The following FARP1 variants were observed in gnomAD, a reference collection of about 807,000 sequenced individuals.
FARP1 encodes the protein FERM, ARH/RhoGEF and pleckstrin domain protein 1.
FARP1 carries 52 observed loss-of-function variants against 128.8 expected under a neutral mutation model. That is an observed-to-expected ratio of 0.40 (90% CI 0.32 to 0.51). The LOEUF is 0.51. FARP1 is among the 20% of genes least tolerant of loss of function. FARP1 has a pLI of 0.45. For missense variants in FARP1, 1,333 were observed against 1,367.9 expected, an observed-to-expected ratio of 0.97 and a Z score of 0.40; for synonymous variants, 580 against 551.8, an observed-to-expected ratio of 1.05 and a Z score of -0.72.
chr13:98,331,585 T>C (rs1429495826), intron 2 of FARP1, among the ~76,000 whole-genome samples: 1 of 152,212 alleles, frequency 6.6e-6, no homozygotes, highest in African/African-American at 2.4e-5. Flanking sequence ...ACACAACATA[T>C]TTCAACTAAA....
rs537398786 is a variant in FARP1 at position 98,428,641 on chromosome 13, T to TCTCCA, written c.1906-2401_1906-2397dup. On this transcript the variant is annotated intron_variant, in intron 17 of 26. Coordinates refer to ENST00000319562, the MANE Select transcript of FARP1 (RefSeq NM_005766.4). ...GCCTCTGCTCTAGTCCTAGGCTGTC[T>TCTCCA]CTCCAGACCCTGCTCCCAACCCTTC... is the stretch of plus-strand genomic sequence containing the variant. 8.1e-4 allele frequency among the ~76,000 whole-genome samples: 123 copies of TCTCCA among 152,204 alleles called. 2 individuals carry two copies. Among genetic ancestry groups the TCTCCA allele is most frequent in the Non-Finnish European group, 1.6e-3 (106 of 68,032 alleles).
intron 1 of FARP1, among the ~76,000 whole-genome samples, chr13:98,209,306 C>T (rs1470340026): frequency 1.3e-5 from 2 of 151,396 alleles, no homozygotes; most frequent in Admixed American, 6.6e-5. Flanking sequence ...CCGCGCCCAG[C>T]CAACTTTCCT....
chr13:98,446,908 GC>G, intron 26 of FARP1, 91 bp downstream of exon 26: 1 of 1,376,610 alleles, frequency 7.3e-7, no homozygotes, highest in Non-Finnish European at 1.0e-6. Context: ...GAGTGAGATG[GC>G]CCCACCCTTC....
chr13:98,439,991 C>T lies in FARP1; in HGVS notation c.2464C>T (p.Pro822Ser), dbSNP rs545344298. Reference protein sequence around the residue: ...IEESEDEWGVPHCLTLRGQRQ... With the variant: ...IEESEDEWGVSHCLTLRGQRQ... Reference sequence around the variant, plus strand: ...GGAGAGCGAAGACGAGTGGGGGGTGCCCCACTGCCTGACCCTCCGGGGCCA... The same window carrying T: ...GGAGAGCGAAGACGAGTGGGGGGTGTCCCACTGCCTGACCCTCCGGGGCCA... Residue 822 changes from proline (P) to serine (S), a missense_variant, in exon 22 of 27, where the codon CCC (proline) becomes TCC (serine). This residue lies in a region of FARP1 where 1,009 missense variants were observed against 969.8 expected (regional missense o/e 1.04). Transcript: ENST00000319562. 3 of 1,593,312 alleles carry T rather than the reference C, an allele frequency of 1.9e-6. No homozygotes were observed. The highest frequency in any genetic ancestry group is 2.2e-5 in the East Asian group (1 of 44,468).
chr13:98,213,513 T>C (rs1401214487), intron 2 of FARP1, 100 bp downstream of exon 2: 2 of 1,265,464 alleles, frequency 1.6e-6, no homozygotes, highest in Non-Finnish European at 2.2e-6. Flanking sequence ...ATGAGGCGGC[T>C]GGAGGTCCTG....
intron 3 of FARP1, among the ~76,000 whole-genome samples, chr13:98,363,648 G>A (rs573410666): frequency 6.6e-6 from 1 of 152,278 alleles, no homozygotes; most frequent in Admixed American, 6.5e-5. Context: ...TTATTCCAAC[G>A]GGCCAGTCCT....
chr13:98,394,924 C>T (rs540290862), intron 12 of FARP1, among the ~76,000 whole-genome samples: 100 of 152,252 alleles, frequency 6.6e-4, no homozygotes, highest in African/African-American at 2.4e-3. Context: ...GATCCTGTCT[C>T]CCCCTCCAAA....
chr13:98,386,090 C>T (rs1300008583), intron 8 of FARP1: 4 of 358,898 alleles, frequency 1.1e-5, no homozygotes, highest in Middle Eastern at 7.7e-4. Context: ...TCTCCATGGA[C>T]CTACACTTAG....
intron 2 of FARP1, among the ~76,000 whole-genome samples, chr13:98,246,285 C>A (rs565687615): frequency 1.2e-3 from 167 of 145,174 alleles, no homozygotes; most frequent in African/African-American, 4.1e-3. Flanking sequence ...TTAGTAGAGA[C>A]GGGGTTTCAC....
At chr13:98,358,034 T>A (rs1888708885) in intron 3 of FARP1, among the ~76,000 whole-genome samples, 1 of 152,044 alleles carries the variant, frequency 6.6e-6, no homozygotes, top group South Asian at 2.1e-4. Context: ...TTCCTGGCCC[T>A]GTGAGCACTA....
At chr13:98,159,319 T>G (rs1876707585) in intron 1 of FARP1, among the ~76,000 whole-genome samples, 1 of 152,228 alleles carries the variant, frequency 6.6e-6, no homozygotes. Context: ...GTCACACAGC[T>G]AATAAGTGAA....
intron 2 of FARP1, among the ~76,000 whole-genome samples, chr13:98,297,195 AC>A (rs1885734387): frequency 6.6e-6 from 1 of 152,186 alleles, no homozygotes; most frequent in South Asian, 2.1e-4. Flanking sequence ...AGTGCTGTCA[AC>A]TGCAAAGTGA....
At position 98,265,617 on chromosome 13, in the gene FARP1, C is replaced by A. The variant is rs544320364; in HGVS notation, c.171+52204C>A. Reference sequence around the variant, plus strand: ...TACAGGCGTGAGCCACCGCGCCCAGCCCTTCCTGAATTTATATACGACATG... The same window carrying A: ...TACAGGCGTGAGCCACCGCGCCCAGACCTTCCTGAATTTATATACGACATG... On this transcript the variant is annotated intron_variant, in intron 2 of 26. Coordinates refer to ENST00000319562, the MANE Select transcript of FARP1 (RefSeq NM_005766.4). Among the ~76,000 whole-genome samples the A allele has an allele frequency of 5.0e-3, 763 of 152,278 alleles. 10 individuals are homozygous for A. The highest frequency in any genetic ancestry group is 0.011 in the African/African-American group (454 of 41,556).
intron 2 of FARP1, chr13:98,244,397 C>A: frequency 8.7e-7 from 1 of 1,146,788 alleles, no homozygotes; most frequent in Non-Finnish European, 1.2e-6. Context: ...ACTTCCAAAA[C>A]TTTGCTGTGT....
intron 1 of FARP1, among the ~76,000 whole-genome samples, chr13:98,200,397 CCT>C (rs1491466474): frequency 8.4e-5 from 12 of 143,512 alleles, no homozygotes; most frequent in East Asian, 6.2e-4. Context: ...ACCCCCCCCC[CCT>C]CCCCTTTGTG....
intron 8 of FARP1, 58 bp downstream of exon 8, chr13:98,385,872 C>T: frequency 6.4e-7 from 1 of 1,568,070 alleles, no homozygotes. Flanking sequence ...AAGAGCTGGC[C>T]CTTCAACTCT....
At chr13:98,288,968 C>CT (rs5806054) in intron 2 of FARP1, among the ~76,000 whole-genome samples, 7,261 of 134,780 alleles carry the variant, frequency 0.054, 221 homozygotes, top group Middle Eastern at 0.13. Context: ...GTTCCTATGG[C>CT]TTTTTTTTTT....
chr13:98,205,754 A>G (rs906299947), intron 1 of FARP1, among the ~76,000 whole-genome samples: 1 of 151,718 alleles, frequency 6.6e-6, no homozygotes, highest in African/African-American at 2.4e-5. Flanking sequence ...GGTCCTTCAT[A>G]TTTTCACCAG....
chr13:98,270,743 T>C (rs962843586), intron 2 of FARP1, among the ~76,000 whole-genome samples: 3 of 152,220 alleles, frequency 2.0e-5, no homozygotes, highest in East Asian at 1.9e-4. Context: ...TGAGAACAGA[T>C]TTCTTAGCCT....
Sources: allele counts gnomAD v4.1 joint callset (sites outside exome capture counted in the v4.1 genomes callset), GRCh38; gene constraint gnomAD v4.1.1; regional missense constraint gnomAD v4.1.1; transcripts MANE v1.5; gene names NCBI Gene and HGNC (gene_info 2026-07-23, HGNC 2026-07-21).